KIAA1549: variants seen among roughly 807,000 people sequenced by gnomAD.
The protein encoded by KIAA1549 is UPF0606 protein KIAA1549.
A neutral mutation model predicts 156.4 loss-of-function variants in KIAA1549; 70 were observed. That is an observed-to-expected ratio of 0.45 (90% CI 0.37 to 0.55). The LOEUF is 0.55. KIAA1549 is among the 20% of genes least tolerant of loss of function. The pLI is 0.00. For missense variants in KIAA1549, 2,428 were observed against 2,540.9 expected (o/e 0.96, Z 0.96); for synonymous variants, 1,103 against 1,066.4 (o/e 1.03, Z -0.67).
At chr7:138,927,947 G>T (rs1368654354) in intron 1 of KIAA1549, among the ~76,000 whole-genome samples, 2 of 148,994 alleles carry the variant, frequency 1.3e-5, no homozygotes, top group African/African-American at 5.0e-5. Flanking sequence ...TTGAGACAGA[G>T]TCTTGCTCTG....
chr7:138,972,535 T>C (rs377246321), intron 1 of KIAA1549, among the ~76,000 whole-genome samples: 3 of 151,956 alleles, frequency 2.0e-5, no homozygotes, highest in South Asian at 4.2e-4. Flanking sequence ...TGATTCCCCA[T>C]CCCTGACTCG....
intron 1 of KIAA1549, among the ~76,000 whole-genome samples, chr7:138,968,187 G>A (rs7776888): frequency 0.028 from 4,296 of 152,192 alleles, 178 homozygotes; most frequent in African/African-American, 0.098. Flanking sequence ...AGGCCCTCTC[G>A]GTAGGTGGGG....
At chr7:138,949,640 A>G (rs1336171955) in intron 1 of KIAA1549, among the ~76,000 whole-genome samples, 5 of 152,102 alleles carry the variant, frequency 3.3e-5, no homozygotes, top group Non-Finnish European at 7.4e-5. Flanking sequence ...CAAAGGTCCA[A>G]TCTGGCTCAA....
At chr7:138,946,044 T>A (rs986984192) in intron 1 of KIAA1549, among the ~76,000 whole-genome samples, 1 of 152,062 alleles carries the variant, frequency 6.6e-6, no homozygotes, top group Non-Finnish European at 1.5e-5. Flanking sequence ...CCCTCCCTCT[T>A]TCCCCACCCC....
At chr7:138,908,928 A>T (rs1454188157) in intron 5 of KIAA1549, 63 bp downstream of exon 5, 9 of 1,592,906 alleles carry the variant, frequency 5.7e-6, no homozygotes, top group Non-Finnish European at 7.7e-6. Flanking sequence ...ATCTTAAACA[A>T]TGTGGAACAA....
At position 138,861,387 on chromosome 7, in the gene KIAA1549, G is replaced by C. The variant is rs1459575229; in HGVS notation, c.4999C>G (p.Pro1667Ala). The change falls in exon 16 of 20, where the codon CCC becomes GCC. Residue 1667 changes from proline (P) to alanine (A), a missense_variant. This residue lies in a region of KIAA1549 where 404 missense variants were observed against 417.0 expected (regional missense o/e 0.97). Coordinates refer to ENST00000422774, the MANE Select transcript of KIAA1549 (RefSeq NM_001164665.2). ...SVELGRYPAL[P>A]FPASQYIPPQ... The stretch of plus-strand genomic sequence containing the variant: ...GGGATGTACTGGGAGGCCGGGAAGG[G>C]AAGGGCTGGATACCTCCCCAGTTCC... 5.0e-6 allele frequency: 8 copies of C among 1,611,808 alleles called. No individual in the cohort carries two copies. Among genetic ancestry groups the C allele is most frequent in the Non-Finnish European group, 6.8e-6 (8 of 1,179,306 alleles).
At chr7:138,955,903 G>A (rs1340454008) in intron 1 of KIAA1549, among the ~76,000 whole-genome samples, 1 of 152,048 alleles carries the variant, frequency 6.6e-6, no homozygotes, top group East Asian at 1.9e-4. Context: ...TTTGGGGGGT[G>A]GGGTTTTGAG....
rs1345585155 is a variant in KIAA1549 at position 138,918,580 on chromosome 7, T to C, written c.1046A>G (p.His349Arg). The part of the protein sequence containing the change: ...PRTYPTVTAS[H>R]AALAFSRTHS... ...TGTCCTGCTGAATGCAAGGGCTGCG[T>C]GCGATGCAGTCACAGTGGGGTATGT... is the stretch of plus-strand genomic sequence containing the variant. Residue 349 changes from histidine to arginine, a missense_variant, in exon 2 of 20, where the codon CAC becomes CGC. Physicochemically the swap from His to Arg is conservative, Grantham distance 29. Transcript: ENST00000422774. This position sits in a 1 kb window ranked among gnomAD's most constrained non-coding sequence, Gnocchi z 4.2. 6.2e-7 allele frequency: 1 copy of C among 1,614,040 alleles called. No individual in the cohort carries two copies.
At position 138,836,155 on chromosome 7, in the gene KIAA1549, T is replaced by G; in HGVS notation, c.*1751A>C. ...AATTCTATAGCCCCTTATCTGTTAT[T>G]TAATGAAAAGTACAGTCATGCACAC... is the stretch of plus-strand genomic sequence containing the variant. On this transcript the variant is annotated 3_prime_UTR_variant, in exon 20 of 20. Transcript: ENST00000422774. 4.7e-6 allele frequency: 1 copy of G among 210,938 alleles called. No individual in the cohort carries two copies. Among genetic ancestry groups the G allele is most frequent in the East Asian group, 7.2e-5 (1 of 13,928 alleles). 13.1% of individuals were successfully genotyped at this position (210,938 alleles called of 1,614,324 possible). A position where few individuals can be genotyped will look rare whatever the true frequency, so the allele number is the denominator to read the frequency against.
At chr7:138,850,596 T>G (rs1377378632) in intron 17 of KIAA1549, among the ~76,000 whole-genome samples, 1 of 152,186 alleles carries the variant, frequency 6.6e-6, no homozygotes, top group Non-Finnish European at 1.5e-5. Flanking sequence ...CTCGGTCAGA[T>G]GCATAATTTG....
chr7:138,952,185 G>A (rs1240409080), intron 1 of KIAA1549, among the ~76,000 whole-genome samples: 1 of 152,142 alleles, frequency 6.6e-6, no homozygotes, highest in African/African-American at 2.4e-5. Flanking sequence ...GGATGGTCTG[G>A]GATTTCAAAA....
At chr7:138,920,246 C>T (rs983002494) in intron 1 of KIAA1549, among the ~76,000 whole-genome samples, 17 of 152,252 alleles carry the variant, frequency 1.1e-4, no homozygotes, top group African/African-American at 4.1e-4. Flanking sequence ...TGGATGGCTC[C>T]TTCTGGCCCT....
At chr7:138,840,050 A>G (rs1809863155) in intron 19 of KIAA1549, 83 bp downstream of exon 19, 3 of 1,288,520 alleles carry the variant, frequency 2.3e-6, no homozygotes, top group Non-Finnish European at 3.2e-6. Flanking sequence ...TCGGCCTCCC[A>G]AAGTGCTGGG....
At chr7:138,896,719 C>A (rs942790994) in intron 9 of KIAA1549, among the ~76,000 whole-genome samples, 1 of 151,998 alleles carries the variant, frequency 6.6e-6, no homozygotes, top group Non-Finnish European at 1.5e-5. Flanking sequence ...CTCAGACCCC[C>A]CAAGTAACTG....
intron 1 of KIAA1549, among the ~76,000 whole-genome samples, chr7:138,929,468 G>A (rs1812811915): frequency 6.6e-6 from 1 of 152,090 alleles, no homozygotes; most frequent in African/African-American, 2.4e-5. Flanking sequence ...CTGAAGTCTT[G>A]AATGCCTCAA....
chr7:138,861,025 T>C, intron 16 of KIAA1549, 114 bp downstream of exon 16: 1 of 1,023,560 alleles, frequency 9.8e-7, no homozygotes, highest in Non-Finnish European at 1.5e-6. Context: ...TCACCCGAGT[T>C]TTAATTCTTA....
At chr7:138,951,877 C>T (rs1427425883) in intron 1 of KIAA1549, among the ~76,000 whole-genome samples, 3 of 152,124 alleles carry the variant, frequency 2.0e-5, no homozygotes, top group Admixed American at 6.5e-5. Context: ...ATAAAAACTA[C>T]GGAAAGCAAC....
intron 16 of KIAA1549, among the ~76,000 whole-genome samples, chr7:138,857,031 A>G (rs1810414016): frequency 6.6e-6 from 1 of 152,100 alleles, no homozygotes. Context: ...TCCTTGAAGC[A>G]CCTGGTTTTC....
At chr7:138,864,546 C>G (rs1810678965) in intron 15 of KIAA1549, among the ~76,000 whole-genome samples, 1 of 152,224 alleles carries the variant, frequency 6.6e-6, no homozygotes, top group African/African-American at 2.4e-5. Flanking sequence ...TATATTTAGA[C>G]TATAGATGTT....
Sources: gnomAD v4.1 joint callset for allele counts (sites outside exome capture counted in the v4.1 genomes callset) on GRCh38, gnomAD v4.1.1 for gene constraint, gnomAD v4.1.1 regional missense constraint, Gnocchi (gnomAD v3.1) non-coding constraint, MANE v1.5 for transcripts, NCBI Gene and HGNC (gene_info 2026-07-23, HGNC 2026-07-21) for gene names.